The following CFAP47 variants were observed in gnomAD, a reference collection of about 807,000 sequenced individuals.
The protein encoded by CFAP47 is cilia and flagella associated protein 47.
A neutral mutation model predicts 148.1 loss-of-function variants in CFAP47; 29 were observed. The observed-to-expected ratio is 0.20, with a 90% CI of 0.15 to 0.27. The LOEUF is 0.27. Ranked by LOEUF, CFAP47 falls within the 10% of genes least tolerant of loss-of-function variation. The probability of loss-of-function intolerance (pLI) is 1.00; values close to 1 mark genes in which losing one functional copy is unlikely to be tolerated. For missense variants in CFAP47, 1,872 were observed against 1,697.5 expected (o/e 1.10, Z -1.81); for synonymous variants, 664 against 577.3 (o/e 1.15, Z -2.15).
chrX:36,245,000 G>A (rs1940597812), intron 48 of CFAP47, among the ~76,000 whole-genome samples: 1 of 111,895 alleles, frequency 8.9e-6, no homozygotes, highest in South Asian at 3.7e-4. Flanking sequence ...ACATTAAAAA[G>A]TCAATACACC....
In CFAP47 at chrX:36,371,846, GTA is replaced by G. The variant is rs1259299943; in HGVS notation, c.9185+4725_9185+4726del. Among the ~76,000 whole-genome samples, 4 of 75,833 alleles carry G rather than the reference GTA, an allele frequency of 5.3e-5. 1 individual carries two copies. The East Asian group carries it at 1.6e-3, about 31-fold the overall frequency. The allele number at this position is 75,833 out of a possible 115,157, so 65.9% of individuals were successfully genotyped here. On this transcript the variant is annotated intron_variant, in intron 62 of 63. Transcript: ENST00000378653. ...TATACACACATGTGTGTATATGTGTGTATATATGTGTGCATATACACACATGT... is the reference window on the plus strand; with the variant it reads ...TATACACACATGTGTGTATATGTGTGTATATGTGTGCATATACACACATGT...
chrX:36,041,323 G>T (rs986554852), intron 25 of CFAP47, among the ~76,000 whole-genome samples: 9 of 111,141 alleles, frequency 8.1e-5, no homozygotes, highest in Admixed American at 2.9e-4. Flanking sequence ...AAAAAAATGA[G>T]ATAATCAAAA....
rs1556017253 is a variant in CFAP47 at position 36,350,152 on chromosome X, A to G, written c.8698+20A>G. ...CCCCAGGTAGGTATACATTAGGGTC[A>G]GAGAATGCCAGAATTCTTAGAGACC... On this transcript the variant is annotated intron_variant, in intron 59 of 63. Transcript: ENST00000378653. 16 of 954,210 alleles carry G rather than the reference A, an allele frequency of 1.7e-5. No individual in the cohort carries two copies. Among genetic ancestry groups the G allele is most frequent in the Non-Finnish European group, 2.3e-5 (16 of 685,770 alleles). The allele number at this position is 954,210 out of a possible 1,213,427, so 78.6% of individuals were successfully genotyped here. A position where few individuals can be genotyped will look rare whatever the true frequency, so the allele number is the denominator to read the frequency against.
intron 51 of CFAP47, among the ~76,000 whole-genome samples, chrX:36,297,328 G>A (rs782451342): frequency 3.6e-5 from 4 of 111,855 alleles, no homozygotes; most frequent in Non-Finnish European, 7.5e-5. Context: ...TATGTTCCCA[G>A]AAGCTTAGTA....
rs1185077276 is a variant in CFAP47 at position 35,970,363 on chromosome X, AT to A, written c.1815-396del. ...TTAGCAAAAAGATTCATTATTGTAC[AT>A]TTTTTTTTCTGACTTTGATCATGAT... On this transcript the variant is annotated intron_variant, in intron 10 of 63. Coordinates refer to ENST00000378653, the MANE Select transcript of CFAP47 (RefSeq NM_001304548.2). Among the ~76,000 whole-genome samples, 3 of 108,760 alleles carry A rather than the reference AT, an allele frequency of 2.8e-5. No homozygotes were observed. The South Asian group carries it at 1.2e-3, about 42-fold the overall frequency. The allele number at this position is 108,760 out of a possible 115,157, so 94.4% of individuals were successfully genotyped here. A position where few individuals can be genotyped will look rare whatever the true frequency, so the allele number is the denominator to read the frequency against.
chrX:36,005,799 G>A (rs1936975754), intron 21 of CFAP47, among the ~76,000 whole-genome samples: 1 of 110,931 alleles, frequency 9.0e-6, no homozygotes, highest in Non-Finnish European at 1.9e-5. Flanking sequence ...TAAATAAAAA[G>A]AAACTAAGTA....
At chrX:35,941,217 C>A in intron 2 of CFAP47, 66 bp from the exon 3 acceptor site, 1 of 579,741 alleles carries the variant, frequency 1.7e-6, no homozygotes, top group Non-Finnish European at 2.8e-6. Context: ...TATTCCCCTA[C>A]ATATTTAGCT....
At chrX:36,055,517 C>A (rs966862369) in intron 26 of CFAP47, among the ~76,000 whole-genome samples, 2 of 112,044 alleles carry the variant, frequency 1.8e-5, no homozygotes, top group African/African-American at 6.5e-5. Context: ...CTTTTTGTGG[C>A]TGCATAGTAT....
intron 37 of CFAP47, among the ~76,000 whole-genome samples, chrX:36,156,625 GTT>G: frequency 9.3e-6 from 1 of 108,078 alleles, no homozygotes; most frequent in African/African-American, 3.4e-5. Flanking sequence ...TATCAAGGAG[GTT>G]TTTTTTAAAA....
chrX:36,025,955 C>T (rs755609046), intron 22 of CFAP47, among the ~76,000 whole-genome samples: 3 of 111,614 alleles, frequency 2.7e-5, no homozygotes, highest in Admixed American at 9.5e-5. Flanking sequence ...TTGTTCATGA[C>T]GTCTAACATT....
chrX:36,320,920 C>T (rs782619622), intron 57 of CFAP47, among the ~76,000 whole-genome samples: 42 of 111,508 alleles, frequency 3.8e-4, no homozygotes, highest in African/African-American at 1.3e-3. Flanking sequence ...AATGCCAATT[C>T]TGTTGGTTGC....
intron 15 of CFAP47, among the ~76,000 whole-genome samples, chrX:35,977,277 CTG>C (rs1487963457): frequency 1.8e-5 from 2 of 111,824 alleles, no homozygotes; most frequent in African/African-American, 6.5e-5. Flanking sequence ...GCAAAGTACT[CTG>C]TGAATACAAG....
At chrX:35,956,444 T>C (rs1036438708) in intron 8 of CFAP47, among the ~76,000 whole-genome samples, 3 of 112,208 alleles carry the variant, frequency 2.7e-5, no homozygotes, top group African/African-American at 9.7e-5. Flanking sequence ...ACATAGTTAC[T>C]TCCTCTAAAA....
intron 39 of CFAP47, among the ~76,000 whole-genome samples, chrX:36,176,025 G>A (rs1358567894): frequency 8.9e-6 from 1 of 112,068 alleles, no homozygotes; most frequent in Non-Finnish European, 1.9e-5. Flanking sequence ...TAAGCCCATC[G>A]GAAAAGCGCA....
intron 49 of CFAP47, among the ~76,000 whole-genome samples, chrX:36,260,250 A>C (rs782590298): frequency 1.8e-5 from 2 of 111,391 alleles, no homozygotes; most frequent in South Asian, 7.5e-4. Flanking sequence ...TATGCCAAAT[A>C]GTGGGATTGC....
intron 37 of CFAP47, among the ~76,000 whole-genome samples, chrX:36,150,013 T>C (rs1351259721): frequency 9.0e-6 from 1 of 110,984 alleles, no homozygotes; most frequent in Non-Finnish European, 1.9e-5. Context: ...AATAAAAGGT[T>C]CATAATCCTA....
At chrX:36,019,026 G>A (rs189666489) in intron 22 of CFAP47, among the ~76,000 whole-genome samples, 1 of 111,470 alleles carries the variant, frequency 9.0e-6, no homozygotes, top group Non-Finnish European at 1.9e-5. Context: ...ACTTATTATT[G>A]GTCTGTTGAA....
chrX:35,936,769 T>C (rs974090774), intron 2 of CFAP47, among the ~76,000 whole-genome samples: 3 of 111,081 alleles, frequency 2.7e-5, no homozygotes, highest in Admixed American at 9.7e-5. Flanking sequence ...ATCCATTTTA[T>C]TTATATGTTA....
At chrX:36,042,389 T>G (rs1416582140) in intron 25 of CFAP47, among the ~76,000 whole-genome samples, 1 of 111,498 alleles carries the variant, frequency 9.0e-6, no homozygotes, top group Non-Finnish European at 1.9e-5. Context: ...TTTTTTCATA[T>G]AGAAAATTCA....
Sources: gnomAD v4.1 joint callset for allele counts (sites outside exome capture counted in the v4.1 genomes callset) on GRCh38, gnomAD v4.1.1 for gene constraint, MANE v1.5 for transcripts, NCBI Gene and HGNC (gene_info 2026-07-23, HGNC 2026-07-21) for gene names.